The following C4orf51 variants were observed in gnomAD, a reference collection of about 807,000 sequenced individuals.
C4orf51 encodes the protein chromosome 4 open reading frame 51, also known as uncharacterized protein C4orf51.
In C4orf51, 25 loss-of-function variants were observed where a neutral mutation model predicts 25.2. That is an observed-to-expected ratio of 0.99 (90% CI 0.72 to 1.39). C4orf51 has a LOEUF of 1.39. C4orf51 is among the 40% of genes most tolerant of loss of function. The pLI is 0.00. For missense variants in C4orf51, 252 were observed against 239.6 expected (o/e 1.05, Z -0.34); for synonymous variants, 100 against 84.5 (o/e 1.18, Z -1.01).
At chr4:145,786,894 C>T in the C4orf51 span, among the ~76,000 whole-genome samples, 2 of 152,206 alleles carry the variant, frequency 1.3e-5, no homozygotes, top group Non-Finnish European at 2.9e-5. Context: ...AGAGGATCTA[C>T]CTTGCAGTGT....
intron 2 of C4orf51, among the ~76,000 whole-genome samples, chr4:145,708,485 T>C (rs1730958517): frequency 1.3e-5 from 2 of 152,322 alleles, no homozygotes; most frequent in South Asian, 2.1e-4. Flanking sequence ...TGTCCCCTCT[T>C]ACTTTCCTGT....
downstream of C4orf51, among the ~76,000 whole-genome samples, chr4:145,772,760 ACTT>A (rs1579116104): frequency 6.6e-6 from 1 of 152,346 alleles, no homozygotes; most frequent in East Asian, 1.9e-4. Flanking sequence ...TAAAAAAGAA[ACTT>A]CTTTAATGCA....
chr4:145,709,863 G>T (rs990227218), intron 2 of C4orf51, among the ~76,000 whole-genome samples: 1 of 152,178 alleles, frequency 6.6e-6, no homozygotes, highest in African/African-American at 2.4e-5. Context: ...ACCTGCCAGG[G>T]TGAGCTGAGA....
chr4:145,756,700 C>T (rs1363550076), downstream of C4orf51, among the ~76,000 whole-genome samples: 1 of 152,156 alleles, frequency 6.6e-6, no homozygotes, highest in African/African-American at 2.4e-5. Context: ...TTAACATTTT[C>T]AATAAACACC....
the C4orf51 span, among the ~76,000 whole-genome samples, chr4:145,785,926 T>A: frequency 3.1e-4 from 47 of 152,210 alleles, no homozygotes; most frequent in Non-Finnish European, 4.9e-4. Context: ...TTATTAAAAG[T>A]ATAAGCCTAG....
downstream of C4orf51, among the ~76,000 whole-genome samples, chr4:145,732,972 C>T (rs1732569972): frequency 6.6e-6 from 1 of 152,166 alleles, no homozygotes; most frequent in African/African-American, 2.4e-5. Context: ...CCGGAGCCTT[C>T]CACCGCCAGG....
chr4:145,751,633 C>T (rs1733680859), intron 1 of C4orf51, among the ~76,000 whole-genome samples: 1 of 152,176 alleles, frequency 6.6e-6, no homozygotes, highest in African/African-American at 2.4e-5. Context: ...TAACTACTGC[C>T]TGGCTCTACT....
At chr4:145,723,217 G>A (rs978017189) in intron 2 of C4orf51, among the ~76,000 whole-genome samples, 10 of 152,122 alleles carry the variant, frequency 6.6e-5, no homozygotes, top group Admixed American at 2.0e-4. Flanking sequence ...CCAACAATGC[G>A]TACATCTTGG....
At chr4:145,776,485 T>C in the C4orf51 span, among the ~76,000 whole-genome samples, 1 of 147,772 alleles carries the variant, frequency 6.8e-6, no homozygotes, top group Non-Finnish European at 1.5e-5. Context: ...AAAAAAAAAG[T>C]CCCAGGGCAA....
intron 1 of C4orf51, among the ~76,000 whole-genome samples, chr4:145,749,194 ATATAAT>A (rs1423384691): frequency 2.0e-5 from 3 of 151,554 alleles, no homozygotes; most frequent in Non-Finnish European, 4.4e-5. Flanking sequence ...ATTTTGTCTG[ATATAAT>A]TATAATTACT....
chr4:145,680,514 T>C (rs1728767958), intron 1 of C4orf51, 78 bp downstream of exon 1: 2 of 1,091,884 alleles, frequency 1.8e-6, no homozygotes, highest in African/African-American at 1.6e-5. Flanking sequence ...AGAGGTATTG[T>C]AGACCCTGAG....
At chr4:145,698,379 A>G (rs1385324642) in intron 2 of C4orf51, among the ~76,000 whole-genome samples, 1 of 152,242 alleles carries the variant, frequency 6.6e-6, no homozygotes. Context: ...TGTAAGATGT[A>G]CATTGGTTCA....
chr4:145,779,176 A>T, the C4orf51 span, among the ~76,000 whole-genome samples: 2 of 152,370 alleles, frequency 1.3e-5, no homozygotes, highest in South Asian at 4.1e-4. Context: ...TCCTACCTGG[A>T]ACTCAATGAA....
intron 5 of C4orf51, 65 bp downstream of exon 5, chr4:145,730,030 A>AGT: frequency 7.2e-7 from 1 of 1,380,188 alleles, no homozygotes; most frequent in Non-Finnish European, 1.0e-6. Context: ...CGGGGTTCTG[A>AGT]GTGTCTCTAC....
At chr4:145,745,154 A>G (rs933163014) in intron 1 of C4orf51, among the ~76,000 whole-genome samples, 1 of 152,216 alleles carries the variant, frequency 6.6e-6, no homozygotes. Flanking sequence ...CATGCAATGC[A>G]TAACAATCAC....
chr4:145,740,122 T>G (rs1733013823), intron 1 of C4orf51, among the ~76,000 whole-genome samples: 1 of 152,088 alleles, frequency 6.6e-6, no homozygotes, highest in African/African-American at 2.4e-5. Context: ...AGAGTTGCCA[T>G]CAGCATTTCT....
intron 2 of C4orf51, among the ~76,000 whole-genome samples, chr4:145,725,508 T>C (rs7683291): frequency 0.19 from 28,450 of 152,036 alleles, 2,809 homozygotes; most frequent in East Asian, 0.27. Context: ...GCATTATCCA[T>C]AGCAGCCAAA....
At chr4:145,791,291 G>A in the C4orf51 span, among the ~76,000 whole-genome samples, 1 of 152,092 alleles carries the variant, frequency 6.6e-6, no homozygotes, top group East Asian at 1.9e-4. Context: ...TTTTATAAGG[G>A]CCTCTTTTAT....
At chr4:145,730,411 T>A (rs1430913863) in intron 5 of C4orf51, among the ~76,000 whole-genome samples, 2 of 152,146 alleles carry the variant, frequency 1.3e-5, no homozygotes, top group Non-Finnish European at 2.9e-5. Context: ...GCTTCCCCAA[T>A]ATGACCCTCC....
Sources: allele counts gnomAD v4.1 joint callset (sites outside exome capture counted in the v4.1 genomes callset), GRCh38; gene constraint gnomAD v4.1.1; transcripts MANE v1.5; gene names NCBI Gene and HGNC (gene_info 2026-07-23, HGNC 2026-07-21).